The following COL5A1 variants were observed in gnomAD, a reference collection of about 807,000 sequenced individuals.
COL5A1 encodes collagen type V alpha 1 chain, also known as collagen alpha-1(V) chain.
Under a neutral mutation model 263.7 loss-of-function variants are expected in COL5A1, and 16 were observed. The observed-to-expected ratio is 0.06, with a 90% CI of 0.04 to 0.09. The LOEUF (loss-of-function observed/expected upper bound fraction) is 0.09, where lower values mean the gene tolerates loss of function less well. Ranked by LOEUF, COL5A1 falls within the 10% of genes least tolerant of loss-of-function variation. COL5A1 has a pLI of 1.00. For synonymous variants in COL5A1, 1,012 were observed against 1,004.5 expected (o/e 1.01, Z -0.14); for missense variants, 2,036 against 2,540.5 (o/e 0.80, Z 4.27).
intron 59 of COL5A1, among the ~76,000 whole-genome samples, 194 bp downstream of exon 59, chr9:134,822,344 CG>C (rs939668051): frequency 5.3e-5 from 8 of 152,142 alleles, no homozygotes; most frequent in African/African-American, 1.9e-4. Flanking sequence ...TGGCGTTGCC[CG>C]GCCATGGTTT....
At chr9:134,717,458 A>T (rs1834307724) in intron 4 of COL5A1, among the ~76,000 whole-genome samples, 1 of 152,188 alleles carries the variant, frequency 6.6e-6, no homozygotes, top group Admixed American at 6.5e-5. Context: ...CACACCTGAG[A>T]TCACTCAGCC....
In COL5A1 at chr9:134,842,337, C is replaced by T. The variant is rs555115616; in HGVS notation, c.*34C>T. The T allele has an allele frequency of 3.7e-5, 60 of 1,612,844 alleles. No homozygotes were observed. Among genetic ancestry groups the T allele is most frequent in the African/African-American group, 5.3e-5 (4 of 74,928 alleles). On this transcript the variant is annotated 3_prime_UTR_variant, in exon 66 of 66. Coordinates refer to ENST00000371817, the MANE Select transcript of COL5A1 (RefSeq NM_000093.5). The surrounding 1 kb of genome is among the most constrained non-coding windows in gnomAD (Gnocchi z 5.8). ...GAGCCCGGGCTCCCGAGAGCAACCT[C>T]GTGACCTCAGCATGCCATTCGTTCG...
Position 134,810,262 on chromosome 9 carries a change from T to C in COL5A1, c.3482T>C (p.Ile1161Thr). 1.9e-6 allele frequency: 3 copies of C among 1,614,148 alleles called. No homozygotes were observed. Among genetic ancestry groups the C allele is most frequent in the Non-Finnish European group, 2.5e-6 (3 of 1,179,998 alleles). The change falls in exon 44 of 66, where the codon ATC (isoleucine) becomes ACC (threonine). Residue 1161 changes from isoleucine (I) to threonine (T), a missense_variant. Around this residue, in one of 3 missense-constraint regions of COL5A1, gnomAD observed 1,078 missense variants for 1,521.4 expected, o/e 0.71. Coordinates refer to ENST00000371817, the MANE Select transcript of COL5A1 (RefSeq NM_000093.5). ...PPGEDGDKGE[I>T]GEPGQKGSKG... ...CCCCACACCTTCCCCTAGGGAGAGA[T>C]CGGGGAGCCGGGGCAGAAAGGAAGC...
At chr9:134,839,858 T>C (rs1265885647) in intron 65 of COL5A1, among the ~76,000 whole-genome samples, 2 of 152,228 alleles carry the variant, frequency 1.3e-5, no homozygotes, top group African/African-American at 2.4e-5. Flanking sequence ...GAGCTGCAAC[T>C]GGCCCCTGCC....
chr9:134,700,162 G>T lies in COL5A1; in HGVS notation c.491+40G>T, dbSNP rs780124761. On this transcript the variant is annotated intron_variant, in intron 3 of 65. Transcript: ENST00000371817. This position sits in a 1 kb window ranked among gnomAD's most constrained non-coding sequence, Gnocchi z 4.0. ...CTGGGCAACTGTCCCCCTGCTGGAG[G>T]GGGGATCAGGCCAGCTCATACCACT... 4 of 1,579,034 alleles carry T rather than the reference G, an allele frequency of 2.5e-6. No homozygotes were observed. The highest frequency in any genetic ancestry group is 2.2e-5 in the South Asian group (2 of 90,106).
At position 134,821,882 on chromosome 9, in the gene COL5A1, G is replaced by A. The variant is rs190388707; in HGVS notation, c.4555-215G>A. Among the ~76,000 whole-genome samples the A allele has an allele frequency of 8.5e-5, 13 of 152,362 alleles. No individual in the cohort carries two copies. The highest frequency in any genetic ancestry group is 2.6e-4 in the Admixed American group (4 of 15,310). ...GCCCAGCCGGGGGAGCAGTGCCGAG[G>A]GCTGGCAGCCTTGGGGTGGATGCTC... On this transcript the variant is annotated intron_variant, in intron 58 of 65. Transcript: ENST00000371817. The surrounding 1 kb of genome is among the most constrained non-coding windows in gnomAD (Gnocchi z 4.2).
chr9:134,819,139 T>A (rs1838890511), intron 57 of COL5A1, 86 bp downstream of exon 57: 50 of 1,396,224 alleles, frequency 3.6e-5, no homozygotes, highest in Non-Finnish European at 5.0e-5. Context: ...AAGCTCTTGA[T>A]CCGTCACCTA....
rs751576224 is a variant in COL5A1, at chr9:134,789,110, A to G, written c.2647-45A>G. On this transcript the variant is annotated intron_variant, in intron 31 of 65. Coordinates refer to ENST00000371817, the MANE Select transcript of COL5A1 (RefSeq NM_000093.5). This position sits in a 1 kb window ranked among gnomAD's most constrained non-coding sequence, Gnocchi z 4.8. ...CCAGGCGGCCCATGCAGCATGACTC[A>G]TTCCTGGCCCAGCTCTGATGCCTCC... 7 of 1,587,034 alleles carry G rather than the reference A, an allele frequency of 4.4e-6. No individual in the cohort carries two copies. Among genetic ancestry groups the G allele is most frequent in the South Asian group, 3.3e-5 (3 of 90,292 alleles).
intron 1 of COL5A1, among the ~76,000 whole-genome samples, chr9:134,654,586 T>C (rs1336123321): frequency 9.3e-6 from 1 of 107,082 alleles, no homozygotes; most frequent in Non-Finnish European, 1.9e-5. Flanking sequence ...TGGGGGTGTG[T>C]AGGGCTGGGA....
In COL5A1 at chr9:134,667,061, G is replaced by C. The variant is rs117055366; in HGVS notation, c.110-23851G>C. Among the ~76,000 whole-genome samples, 255 of 152,280 alleles carry C rather than the reference G, an allele frequency of 1.7e-3. 2 individuals carry two copies. The highest frequency in any genetic ancestry group is 2.9e-3 in the Non-Finnish European group (199 of 68,018). On this transcript the variant is annotated intron_variant, in intron 1 of 65. Transcript: ENST00000371817. ...TTATGTTTCAGTCATCGGGCATAAT[G>C]ACGAGCTTGTTTTAGAAAAGAGGAA...
chr9:134,708,746 G>A (rs771044580), intron 4 of COL5A1: 33 of 485,396 alleles, frequency 6.8e-5, no homozygotes, highest in South Asian at 2.1e-4. Flanking sequence ...TCCTGGGACT[G>A]CTGCAACCAA....
At chr9:134,695,971 C>T (rs1218673262) in intron 2 of COL5A1, among the ~76,000 whole-genome samples, 1 of 152,102 alleles carries the variant, frequency 6.6e-6, no homozygotes, top group Non-Finnish European at 1.5e-5. Context: ...GCCTCGGTGC[C>T]CCTGGATCCT....
intron 1 of COL5A1, among the ~76,000 whole-genome samples, chr9:134,689,520 T>C (rs1458046798): frequency 7.9e-5 from 12 of 152,236 alleles, no homozygotes; most frequent in South Asian, 4.1e-4. Context: ...TCAAACAGTG[T>C]GGCCAGTCTG....
chr9:134,744,354 C>T (rs1273167600), intron 11 of COL5A1, among the ~76,000 whole-genome samples: 1 of 151,984 alleles, frequency 6.6e-6, no homozygotes, highest in East Asian at 1.9e-4. Context: ...TACGTGCACG[C>T]ACTCATGCAT....
rs572163543 is a variant in COL5A1, at chr9:134,681,828, A to T, written c.110-9084A>T. On this transcript the variant is annotated intron_variant, in intron 1 of 65. Coordinates refer to ENST00000371817, the MANE Select transcript of COL5A1 (RefSeq NM_000093.5). This position sits in a 1 kb window ranked among gnomAD's most constrained non-coding sequence, Gnocchi z 4.3. Reference sequence around the variant, plus strand: ...TCTCAAGTTTTTCTTGAAGTTAAGGATATTGACTTTGGGGCCTGCAGAAAC... The same window carrying T: ...TCTCAAGTTTTTCTTGAAGTTAAGGTTATTGACTTTGGGGCCTGCAGAAAC... 6.6e-6 allele frequency among the ~76,000 whole-genome samples: 1 copy of T among 152,162 alleles called. No homozygotes were observed. Among genetic ancestry groups the T allele is most frequent in the South Asian group, 2.1e-4 (1 of 4,812 alleles).
chr9:134,771,960 C>T (rs1459374104), intron 25 of COL5A1, among the ~76,000 whole-genome samples: 2 of 152,202 alleles, frequency 1.3e-5, no homozygotes, highest in Non-Finnish European at 2.9e-5. Context: ...AACCGAGTGA[C>T]CCGCCTGGGT....
At chr9:134,801,906 G>A (rs2132819628) in intron 37 of COL5A1, 48 bp from the exon 38 acceptor site, 1 of 1,569,212 alleles carries the variant, frequency 6.4e-7, no homozygotes, top group Non-Finnish European at 8.8e-7. Context: ...AGGGCAGGGT[G>A]GCGCAGGCCA....
chr9:134,820,052 C>T (rs1018571608), intron 57 of COL5A1, 64 bp from the exon 58 acceptor site: 24 of 1,214,810 alleles, frequency 2.0e-5, no homozygotes, highest in Non-Finnish European at 2.9e-5. Flanking sequence ...CTAACTGGCC[C>T]ACCGTGGCCG....
intron 4 of COL5A1, among the ~76,000 whole-genome samples, chr9:134,719,104 CTGT>C (rs1834364829): frequency 5.3e-5 from 8 of 152,170 alleles, no homozygotes; most frequent in Admixed American, 5.2e-4. Context: ...GAACTGTGGG[CTGT>C]TGTTGAGGGA....
Sources: allele counts gnomAD v4.1 joint callset (sites outside exome capture counted in the v4.1 genomes callset), GRCh38; gene constraint gnomAD v4.1.1; regional missense constraint gnomAD v4.1.1; non-coding constraint Gnocchi (gnomAD v3.1); transcripts MANE v1.5; gene names NCBI Gene and HGNC (gene_info 2026-07-23, HGNC 2026-07-21).